Variants in RAB22A observed in about 807,000 individuals in gnomAD.
The protein encoded by RAB22A is ras-related protein Rab-22A.
In RAB22A, 13 loss-of-function variants were observed where a neutral mutation model predicts 30.2. The observed-to-expected ratio is 0.43, with a 90% CI of 0.28 to 0.68. RAB22A has a LOEUF of 0.68. Ranked by LOEUF, RAB22A falls within the 30% of genes least tolerant of loss-of-function variation. RAB22A has a pLI of 0.18. For missense variants in RAB22A, 177 were observed against 246.8 expected (o/e 0.72, Z 1.89); for synonymous variants, 89 against 87.2 (o/e 1.02, Z -0.11).
intron 2 of RAB22A, among the ~76,000 whole-genome samples, chr20:58,316,914 C>T (rs1000987060): frequency 2.6e-5 from 4 of 152,182 alleles, no homozygotes; most frequent in African/African-American, 9.7e-5. Flanking sequence ...CATCTCCTCC[C>T]CTCAGCCAGT....
chr20:58,352,098 G>T (rs1281813355), intron 3 of RAB22A, among the ~76,000 whole-genome samples: 1 of 152,142 alleles, frequency 6.6e-6, no homozygotes, highest in African/African-American at 2.4e-5. Context: ...GGAACTTTGT[G>T]TTGATAGAAC....
At position 58,364,749 on chromosome 20, in the gene RAB22A, T is replaced by A. The variant is rs6070437; in HGVS notation, c.*5046T>A. The A allele has an allele frequency of 6.7e-6, 1 of 150,310 alleles. No homozygotes were observed. Among genetic ancestry groups the A allele is most frequent in the Non-Finnish European group, 1.5e-5 (1 of 67,618 alleles). 9.3% of individuals were successfully genotyped at this position (150,310 alleles called of 1,614,324 possible). On this transcript the variant is annotated 3_prime_UTR_variant, in exon 7 of 7. Transcript: ENST00000244040. ...TTTTTTTTCTTTTTTTTTTTTTTTC[T>A]TTTTTTAGATGGAGTCTCACTCTGT...
At chr20:58,338,864 T>A (rs1478231626) in intron 2 of RAB22A, among the ~76,000 whole-genome samples, 1 of 152,230 alleles carries the variant, frequency 6.6e-6, no homozygotes, top group African/African-American at 2.4e-5. Context: ...AAGGGTTGTT[T>A]GCATGAGATT....
At chr20:58,356,201 CT>C (rs1156751672) in intron 6 of RAB22A, among the ~76,000 whole-genome samples, 1 of 151,710 alleles carries the variant, frequency 6.6e-6, no homozygotes, top group Admixed American at 6.6e-5. Flanking sequence ...ATCCCAGCTA[CT>C]TGTGAGGCTG....
At chr20:58,357,593 T>C (rs1046700119) in intron 6 of RAB22A, among the ~76,000 whole-genome samples, 1 of 152,232 alleles carries the variant, frequency 6.6e-6, no homozygotes, top group African/African-American at 2.4e-5. Context: ...TATTATTTGT[T>C]CAACAATTTT....
chr20:58,325,876 T>C (rs1986561602), intron 2 of RAB22A, among the ~76,000 whole-genome samples: 1 of 152,244 alleles, frequency 6.6e-6, no homozygotes, highest in African/African-American at 2.4e-5. Flanking sequence ...ATGTTCATTT[T>C]TTCTGTTGTC....
chr20:58,353,198 T>C, intron 3 of RAB22A, 75 bp from the exon 4 acceptor site: 10 of 1,319,226 alleles, frequency 7.6e-6, no homozygotes, highest in East Asian at 2.3e-5. Flanking sequence ...GCAGGGATAA[T>C]GGGCTTATAA....
chr20:58,314,170 T>C (rs1986289051), intron 2 of RAB22A, among the ~76,000 whole-genome samples: 1 of 151,824 alleles, frequency 6.6e-6, no homozygotes, highest in South Asian at 2.1e-4. Flanking sequence ...TGCCTCAGCC[T>C]CCCATATAGT....
chr20:58,324,813 G>A (rs1237932578), intron 2 of RAB22A, among the ~76,000 whole-genome samples: 4 of 141,834 alleles, frequency 2.8e-5, no homozygotes, highest in Non-Finnish European at 6.0e-5. Flanking sequence ...GTTGCAGTGA[G>A]CCGAGATCGC....
chr20:58,314,699 G>C (rs1363921951), intron 2 of RAB22A, among the ~76,000 whole-genome samples: 3 of 152,040 alleles, frequency 2.0e-5, no homozygotes, highest in African/African-American at 7.2e-5. Context: ...AAATTAGCCA[G>C]ATGTGATGGC....
chr20:58,332,542 A>G (rs192629803), intron 2 of RAB22A, among the ~76,000 whole-genome samples: 23 of 152,280 alleles, frequency 1.5e-4, no homozygotes, highest in African/African-American at 5.5e-4. Context: ...TGTCCATATA[A>G]AGTCAGATAA....
chr20:58,357,813 G>A (rs1987157027), intron 6 of RAB22A, among the ~76,000 whole-genome samples: 1 of 152,168 alleles, frequency 6.6e-6, no homozygotes, highest in African/African-American at 2.4e-5. Context: ...ACACAGATCC[G>A]CAGACAACTC....
At chr20:58,357,811 C>G (rs1248561121) in intron 6 of RAB22A, among the ~76,000 whole-genome samples, 6 of 152,310 alleles carry the variant, frequency 3.9e-5, no homozygotes, top group Non-Finnish European at 5.9e-5. Flanking sequence ...CCACACAGAT[C>G]CGCAGACAAC....
chr20:58,314,721 A>G (rs1022011292), intron 2 of RAB22A, among the ~76,000 whole-genome samples: 7 of 151,974 alleles, frequency 4.6e-5, no homozygotes, highest in African/African-American at 1.7e-4. Flanking sequence ...CACACCTGTA[A>G]TCGCAGCTAC....
intron 1 of RAB22A, among the ~76,000 whole-genome samples, chr20:58,310,715 T>C (rs1986207734): frequency 1.3e-5 from 2 of 152,228 alleles, no homozygotes; most frequent in South Asian, 4.1e-4. Context: ...TCATCAGGGA[T>C]TACTCAGAGG....
At chr20:58,310,721 A>G (rs1031683646) in intron 1 of RAB22A, among the ~76,000 whole-genome samples, 28 of 152,260 alleles carry the variant, frequency 1.8e-4, no homozygotes, top group African/African-American at 6.5e-4. Context: ...GGGATTACTC[A>G]GAGGTAACTC....
chr20:58,318,814 C>G (rs1009548196), intron 2 of RAB22A, among the ~76,000 whole-genome samples: 2 of 152,114 alleles, frequency 1.3e-5, no homozygotes, highest in African/African-American at 4.8e-5. Flanking sequence ...GCCAGGCTGT[C>G]TGCCTTCACC....
chr20:58,325,175 CA>C (rs766377233), intron 2 of RAB22A, among the ~76,000 whole-genome samples: 99 of 65,188 alleles, frequency 1.5e-3, no homozygotes, highest in East Asian at 3.3e-3. Context: ...GACTCCATCT[CA>C]AAAAAAAAAA....
At chr20:58,315,692 C>A (rs1986322558) in intron 2 of RAB22A, among the ~76,000 whole-genome samples, 1 of 151,996 alleles carries the variant, frequency 6.6e-6, no homozygotes, top group South Asian at 2.1e-4. Context: ...TATCCCTCTT[C>A]ACCCCACCCC....
Sources: allele counts gnomAD v4.1 joint callset (sites outside exome capture counted in the v4.1 genomes callset), GRCh38; gene constraint gnomAD v4.1.1; transcripts MANE v1.5; gene names NCBI Gene and HGNC (gene_info 2026-07-23, HGNC 2026-07-21).